Variants in TIAM2 observed in about 807,000 individuals in gnomAD.
TIAM2 encodes the protein TIAM Rac1 associated GEF 2.
Under a neutral mutation model 152.9 loss-of-function variants are expected in TIAM2, and 80 were observed. The ratio of observed to expected loss-of-function variants is 0.52; its 90% CI spans 0.44 to 0.63. TIAM2 has a LOEUF of 0.63. Ranked by LOEUF, TIAM2 falls within the 30% of genes least tolerant of loss-of-function variation. The pLI is 0.00. For missense variants in TIAM2, 1,965 were observed against 2,120.1 expected (o/e 0.93, Z 1.44); for synonymous variants, 804 against 838.0 (o/e 0.96, Z 0.70).
chr6:155,234,160 T>C (rs573665270), intron 15 of TIAM2, among the ~76,000 whole-genome samples: 3 of 152,298 alleles, frequency 2.0e-5, no homozygotes, highest in East Asian at 3.9e-4. Context: ...GTTTGTAGCA[T>C]TGATTGCTAC....
At chr6:155,169,100 A>G (rs762304010) in intron 9 of TIAM2, among the ~76,000 whole-genome samples, 2 of 151,958 alleles carry the variant, frequency 1.3e-5, no homozygotes, top group Admixed American at 6.6e-5. Context: ...GGTTCATGCC[A>G]TTCTCCTGCC....
chr6:155,134,397 A>C (rs1465979653), intron 4 of TIAM2, among the ~76,000 whole-genome samples: 711 of 110,290 alleles, frequency 6.4e-3, no homozygotes, highest in African/African-American at 0.01. Flanking sequence ...GCATCCCCCC[A>C]CCCCCCCCCA....
chr6:155,183,429 T>C lies in TIAM2; in HGVS notation c.2993T>C (p.Leu998Pro). 1.2e-6 allele frequency: 2 copies of C among 1,614,188 alleles called. No individual in the cohort carries two copies. The highest frequency in any genetic ancestry group is 1.7e-6 in the Non-Finnish European group (2 of 1,180,038). The change falls in exon 14 of 27, where the codon CTG becomes CCG. Residue 998 changes from leucine (L) to proline (P), a missense_variant. Coordinates refer to ENST00000682666, the MANE Select transcript of TIAM2 (RefSeq NM_012454.4). ...SDLFSRDQKS[L>P]LPPPNQSQLL... ...CTGTTCTCCAGGGACCAGAAGAGTCTGCTGCCCCCTCCTAACCAGTCCCAA... is the reference window on the plus strand; with the variant it reads ...CTGTTCTCCAGGGACCAGAAGAGTCCGCTGCCCCCTCCTAACCAGTCCCAA...
intron 14 of TIAM2, among the ~76,000 whole-genome samples, chr6:155,210,115 C>G (rs1371428753): frequency 6.6e-6 from 1 of 152,124 alleles, no homozygotes; most frequent in Non-Finnish European, 1.5e-5. Flanking sequence ...TTGATAGAGG[C>G]TGGTCTTTCT....
At chr6:155,054,423 G>A (rs761686687) in intron 1 of TIAM2, among the ~76,000 whole-genome samples, 4 of 152,052 alleles carry the variant, frequency 2.6e-5, no homozygotes, top group Admixed American at 2.0e-4. Context: ...AATAGTCAGC[G>A]ACAATCTCAG....
chr6:155,161,583 T>TC lies in TIAM2; in HGVS notation c.2029-2831dup, dbSNP rs1554236065. On this transcript the variant is annotated intron_variant, in intron 7 of 26. Transcript: ENST00000682666. Reference sequence around the variant, plus strand: ...TTTATTTTGTCTTTTTTTTTTTTTTTCTGAGATGGAGTCTCACTCTGTTGC... The same window carrying TC: ...TTTATTTTGTCTTTTTTTTTTTTTTTCCTGAGATGGAGTCTCACTCTGTTGC... 6.9e-3 allele frequency among the ~76,000 whole-genome samples: 1,046 copies of TC among 150,982 alleles called. 9 individuals are homozygous for TC. The highest frequency in any genetic ancestry group is 0.016 in the East Asian group (82 of 5,156).
intron 2 of TIAM2, among the ~76,000 whole-genome samples, chr6:155,100,300 C>G (rs1470148608): frequency 1.3e-5 from 2 of 152,188 alleles, no homozygotes; most frequent in African/African-American, 2.4e-5. Flanking sequence ...TGGCCAGCTG[C>G]CAGCACGGCG....
chr6:155,215,316 C>T lies in TIAM2; in HGVS notation c.3168+4009C>T, dbSNP rs187141638. Among the ~76,000 whole-genome samples the T allele has an allele frequency of 1.8e-3, 267 of 152,230 alleles. 1 individual carries two copies. The highest frequency in any genetic ancestry group is 6.3e-3 in the African/African-American group (260 of 41,540). ...TTAGAAGAGGAGAGAAAGCTGCAAT[C>T]AGGTTGAAATTGGGGCCGTCTGAGC... On this transcript the variant is annotated intron_variant, in intron 15 of 26. Transcript: ENST00000682666.
intron 14 of TIAM2, among the ~76,000 whole-genome samples, chr6:155,185,620 C>T (rs550173097): frequency 4.6e-5 from 7 of 152,114 alleles, no homozygotes; most frequent in Non-Finnish European, 7.4e-5. Flanking sequence ...GCCATTCGGA[C>T]TGTCTAATCC....
intron 1 of TIAM2, among the ~76,000 whole-genome samples, chr6:155,028,749 CATATAATAT>C (rs1211182990): frequency 1.6e-5 from 2 of 123,914 alleles, no homozygotes; most frequent in East Asian, 4.4e-4. Context: ...TTATATACTA[CATATAATAT>C]ATATACTGTG....
chr6:155,045,455 A>ATTT (rs55646447), intron 1 of TIAM2, among the ~76,000 whole-genome samples: 1 of 151,572 alleles, frequency 6.6e-6, no homozygotes, highest in African/African-American at 2.4e-5. Flanking sequence ...ACTTATTAGA[A>ATTT]TTTTTTTTAA....
intron 1 of TIAM2, among the ~76,000 whole-genome samples, chr6:155,040,512 CT>C (rs956962831): frequency 2.0e-5 from 3 of 151,568 alleles, no homozygotes; most frequent in Admixed American, 6.6e-5. Context: ...GAGCACAATT[CT>C]TTTTTTTTGT....
chr6:155,032,212 C>T (rs182659018), intron 1 of TIAM2, among the ~76,000 whole-genome samples: 36 of 152,264 alleles, frequency 2.4e-4, no homozygotes, highest in Middle Eastern at 3.4e-3. Flanking sequence ...TGCATACACA[C>T]GTCTTAAGCC....
intron 15 of TIAM2, among the ~76,000 whole-genome samples, chr6:155,225,581 A>G (rs965452103): frequency 6.6e-6 from 1 of 152,110 alleles, no homozygotes; most frequent in Non-Finnish European, 1.5e-5. Context: ...CCTTCTCTAG[A>G]TCCCCAGCTC....
rs34148436 is a variant in TIAM2 at position 155,112,125 on chromosome 6, C to CTTT, written c.-117-15349_-117-15347dup. Among the ~76,000 whole-genome samples, 45 of 131,394 alleles carry CTTT rather than the reference C, an allele frequency of 3.4e-4. 1 individual carries two copies. The highest frequency in any genetic ancestry group is 1.0e-3 in the South Asian group (4 of 3,916). The allele number at this position is 131,394 out of a possible 152,430, so 86.2% of individuals were successfully genotyped here. On this transcript the variant is annotated intron_variant, in intron 2 of 26. Coordinates refer to ENST00000682666, the MANE Select transcript of TIAM2 (RefSeq NM_012454.4). ...GTGCCACATACTCTCTTGGTTTCCT[C>CTTT]TTTTTTTTTTTTTTTTTTGAGATGG...
chr6:155,188,581 C>A (rs1229856178), intron 14 of TIAM2, among the ~76,000 whole-genome samples: 3 of 152,206 alleles, frequency 2.0e-5, no homozygotes, highest in Admixed American at 2.0e-4. Flanking sequence ...CCCAGAGAGG[C>A]CAGTGTTATT....
intron 1 of TIAM2, among the ~76,000 whole-genome samples, chr6:155,067,128 A>C (rs935535289): frequency 2.6e-5 from 4 of 152,190 alleles, no homozygotes; most frequent in African/African-American, 9.7e-5. Flanking sequence ...TTTGTGGTAC[A>C]GCCGCAGGAT....
intron 1 of TIAM2, among the ~76,000 whole-genome samples, chr6:154,997,742 T>C (rs895864676): frequency 2.8e-5 from 4 of 144,454 alleles, no homozygotes; most frequent in Admixed American, 7.2e-5. Flanking sequence ...CCCAGCTCAA[T>C]TGATCTTCCT....
chr6:155,118,279 G>A (rs1041650407), intron 2 of TIAM2, among the ~76,000 whole-genome samples: 5 of 152,140 alleles, frequency 3.3e-5, no homozygotes, highest in Admixed American at 3.3e-4. Flanking sequence ...GAAGGAGCTG[G>A]GGTCTTTCTC....
Sources: allele counts gnomAD v4.1 joint callset (sites outside exome capture counted in the v4.1 genomes callset), GRCh38; gene constraint gnomAD v4.1.1; transcripts MANE v1.5; gene names NCBI Gene and HGNC (gene_info 2026-07-23, HGNC 2026-07-21).